Variants in TMEM51 observed in about 807,000 individuals in gnomAD.
TMEM51 encodes the protein transmembrane protein 51.
TMEM51 carries 8 observed loss-of-function variants against 13.6 expected under a neutral mutation model. That is an observed-to-expected ratio of 0.59 (90% CI 0.35 to 1.07). The LOEUF (loss-of-function observed/expected upper bound fraction) is 1.07, where lower values mean the gene tolerates loss of function less well. Among genes scored for constraint, TMEM51 ranks in the 50% least tolerant of loss-of-function variants. The probability of loss-of-function intolerance (pLI) is 0.02; values close to 1 mark genes in which losing one functional copy is unlikely to be tolerated. For synonymous variants in TMEM51, 147 were observed against 144.4 expected (o/e 1.02, Z -0.13); for missense variants, 279 against 330.7 (o/e 0.84, Z 1.21).
intron 1 of TMEM51, among the ~76,000 whole-genome samples, chr1:15,168,020 T>A (rs1157296398): frequency 6.6e-6 from 1 of 152,214 alleles, no homozygotes; most frequent in African/African-American, 2.4e-5. Flanking sequence ...AGGCTCCCAG[T>A]CCCTTATACG....
chr1:15,161,079 A>G lies in TMEM51; in HGVS notation c.-267+7125A>G, dbSNP rs773818438. On this transcript the variant is annotated intron_variant, in intron 1 of 3. Coordinates refer to ENST00000376008, the MANE Select transcript of TMEM51 (RefSeq NM_001136218.2). The surrounding 1 kb of genome is among the most constrained non-coding windows in gnomAD (Gnocchi z 4.0). The stretch of plus-strand genomic sequence containing the variant: ...GCCAAAGGTCTTCCTGGTGGAGGCA[A>G]CTGCCTGTGCAAAGGCCTCAAGGTG... 1.3e-5 allele frequency among the ~76,000 whole-genome samples: 2 copies of G among 152,120 alleles called. No individual in the cohort carries two copies. The highest frequency in any genetic ancestry group is 2.9e-5 in the Non-Finnish European group (2 of 68,038).
rs1374850579 is a variant in TMEM51, at chr1:15,166,050, T to G, written c.-267+12096T>G. On this transcript the variant is annotated intron_variant, in intron 1 of 3. Coordinates refer to ENST00000376008, the MANE Select transcript of TMEM51 (RefSeq NM_001136218.2). Reference sequence around the variant, plus strand: ...AAAGCATGGATACCATCATAGATATTTATCAGCAGTTATGGATGGGGGTAG... The same window carrying G: ...AAAGCATGGATACCATCATAGATATGTATCAGCAGTTATGGATGGGGGTAG... 3.3e-5 allele frequency among the ~76,000 whole-genome samples: 5 copies of G among 152,214 alleles called. No individual in the cohort carries two copies. The East Asian group carries it at 9.6e-4, about 29-fold the overall frequency.
chr1:15,205,897 T>C (rs1466965141), intron 1 of TMEM51, among the ~76,000 whole-genome samples: 1 of 152,096 alleles, frequency 6.6e-6, no homozygotes, highest in South Asian at 2.1e-4. Flanking sequence ...TGGCATACAG[T>C]AGGGGAACCG....
intron 1 of TMEM51, among the ~76,000 whole-genome samples, chr1:15,208,045 G>A (rs1644280154): frequency 6.6e-6 from 1 of 152,148 alleles, no homozygotes; most frequent in Non-Finnish European, 1.5e-5. Context: ...TAAGTTCCTG[G>A]CATGCGGTGC....
intron 1 of TMEM51, among the ~76,000 whole-genome samples, chr1:15,190,449 C>T (rs1202771315): frequency 6.6e-6 from 1 of 152,158 alleles, no homozygotes; most frequent in Non-Finnish European, 1.5e-5. Flanking sequence ...TGTCTAGATC[C>T]ACCTGAAGCT....
intron 1 of TMEM51, among the ~76,000 whole-genome samples, chr1:15,154,518 A>C (rs950740884): frequency 6.6e-6 from 1 of 152,166 alleles, no homozygotes; most frequent in African/African-American, 2.4e-5. Flanking sequence ...CGGTTTCTTC[A>C]TCTGTGAAAC....
intron 1 of TMEM51, among the ~76,000 whole-genome samples, chr1:15,187,508 G>T (rs376731477): frequency 2.0e-5 from 3 of 152,312 alleles, no homozygotes; most frequent in South Asian, 4.1e-4. Context: ...GGGGGCAGAT[G>T]GAGCCCCAGG....
chr1:15,215,470 AT>A, intron 3 of TMEM51, 39 bp downstream of exon 3: 1 of 1,533,498 alleles, frequency 6.5e-7, no homozygotes, highest in Non-Finnish European at 8.8e-7. Flanking sequence ...CGGATCGGGG[AT>A]GGGCACGCAC....
chr1:15,191,497 G>A (rs987325923), intron 1 of TMEM51, among the ~76,000 whole-genome samples: 31 of 152,130 alleles, frequency 2.0e-4, no homozygotes, highest in Admixed American at 1.9e-3. Context: ...GGTCCAAGTC[G>A]CCTCACCTGG....
At chr1:15,164,250 C>T (rs1257014446) in intron 1 of TMEM51, 6 of 429,612 alleles carry the variant, frequency 1.4e-5, no homozygotes, top group Non-Finnish European at 2.4e-5. Flanking sequence ...TTTTTATTCA[C>T]CAGGATCCAA....
rs575891841 is a variant in TMEM51, at chr1:15,219,879, G to T, written c.*136G>T. On this transcript the variant is annotated 3_prime_UTR_variant, in exon 4 of 4. Transcript: ENST00000376008. ...GAGCCATTTGGATGGCGGCGGGCGG[G>T]GGGGGATTCTCTGTATCAGGAGTGA... 71 of 978,230 alleles carry T rather than the reference G, an allele frequency of 7.3e-5. No homozygotes were observed. Among genetic ancestry groups the T allele is most frequent in the African/African-American group, 3.8e-4 (23 of 61,230 alleles). The allele number at this position is 978,230 out of a possible 1,614,324, so 60.6% of individuals were successfully genotyped here. A position where few individuals can be genotyped will look rare whatever the true frequency, so the allele number is the denominator to read the frequency against.
intron 1 of TMEM51, among the ~76,000 whole-genome samples, chr1:15,181,231 C>T (rs1643605990): frequency 6.6e-6 from 1 of 152,150 alleles, no homozygotes; most frequent in Non-Finnish European, 1.5e-5. Context: ...GCATATAGAA[C>T]GGCACCCTGA....
chr1:15,209,827 T>C (rs1244646513), intron 1 of TMEM51, among the ~76,000 whole-genome samples: 2 of 151,982 alleles, frequency 1.3e-5, no homozygotes, highest in Non-Finnish European at 2.9e-5. Flanking sequence ...AGGTCAGGAG[T>C]TCGGACCAGC....
chr1:15,218,547 T>A (rs1051673796), intron 3 of TMEM51, among the ~76,000 whole-genome samples: 1 of 152,188 alleles, frequency 6.6e-6, no homozygotes, highest in Non-Finnish European at 1.5e-5. Flanking sequence ...TTGGGTATTA[T>A]AATAATAGTG....
At chr1:15,218,474 C>T (rs369629234) in intron 3 of TMEM51, among the ~76,000 whole-genome samples, 33 of 152,302 alleles carry the variant, frequency 2.2e-4, no homozygotes, top group East Asian at 1.7e-3. Context: ...ACTTCCTGCC[C>T]TCCCATTTCC....
intron 1 of TMEM51, among the ~76,000 whole-genome samples, chr1:15,189,076 T>A (rs1345119950): frequency 6.6e-6 from 1 of 152,126 alleles, no homozygotes; most frequent in African/African-American, 2.4e-5. Context: ...AATCTCGCTG[T>A]GTTGCCCAGG....
At chr1:15,172,738 G>A (rs72640794) in intron 1 of TMEM51, among the ~76,000 whole-genome samples, 19,461 of 152,166 alleles carry the variant, frequency 0.13, 1,620 homozygotes, top group South Asian at 0.18. Flanking sequence ...GGAAAATTCC[G>A]GAAAGATATG....
At chr1:15,179,593 G>A (rs150572985) in intron 1 of TMEM51, among the ~76,000 whole-genome samples, 4,638 of 152,178 alleles carry the variant, frequency 0.03, 240 homozygotes, top group African/African-American at 0.11. Context: ...GACCAGCCTG[G>A]GCAACATGGC....
At chr1:15,160,859 C>A (rs1642757261) in intron 1 of TMEM51, among the ~76,000 whole-genome samples, 1 of 140,532 alleles carries the variant, frequency 7.1e-6, no homozygotes, top group Non-Finnish European at 1.6e-5. Context: ...TCAGCCCCCG[C>A]CCCCCACCCC....
Sources: gnomAD v4.1 joint callset for allele counts (sites outside exome capture counted in the v4.1 genomes callset) on GRCh38, gnomAD v4.1.1 for gene constraint, Gnocchi (gnomAD v3.1) non-coding constraint, MANE v1.5 for transcripts, NCBI Gene and HGNC (gene_info 2026-07-23, HGNC 2026-07-21) for gene names.